The following DDX31 variants were observed in gnomAD, a reference collection of about 807,000 sequenced individuals.
DDX31 encodes DEAD-box helicase 31, also known as ATP-dependent DNA helicase DDX31.
Under a neutral mutation model 91.3 loss-of-function variants are expected in DDX31, and 70 were observed. That is an observed-to-expected ratio of 0.77 (90% CI 0.63 to 0.94). The LOEUF (loss-of-function observed/expected upper bound fraction) is 0.94. DDX31 is among the 40% of genes least tolerant of loss of function. The pLI is 0.00. For synonymous variants in DDX31, 362 were observed against 350.6 expected, an observed-to-expected ratio of 1.03 and a Z score of -0.36; for missense variants, 902 against 925.0, an observed-to-expected ratio of 0.98 and a Z score of 0.32.
Position 132,652,572 on chromosome 9 carries a change from G to A in DDX31, c.589-80C>T, listed in dbSNP as rs577367910. 9.0e-5 allele frequency: 140 copies of A among 1,553,944 alleles called. No individual in the cohort carries two copies. In the African/African-American group the frequency reaches 1.0e-3, roughly 11 times the overall value. ...AAACGGACAGGACACAGGGGTGGCC[G>A]GTTGTAGAACATCAGAAGCACTCTT... On this transcript the variant is annotated intron_variant, in intron 6 of 19. Transcript: ENST00000372159.
intron 1 of DDX31, among the ~76,000 whole-genome samples, chr9:132,666,505 AT>A (rs1397312537): frequency 1.3e-5 from 2 of 151,636 alleles, no homozygotes; most frequent in African/African-American, 4.9e-5. Context: ...ATAAATTTGT[AT>A]TAATATCAGA....
chr9:132,617,066 CT>C (rs748060538), intron 18 of DDX31, among the ~76,000 whole-genome samples: 18 of 152,350 alleles, frequency 1.2e-4, no homozygotes, highest in Non-Finnish European at 2.2e-4. Context: ...AGATCCCACA[CT>C]TCTGCTCCCC....
At chr9:132,612,351 GC>G (rs1564285433) in intron 18 of DDX31, 96 bp from the exon 19 acceptor site, 1 of 1,404,308 alleles carries the variant, frequency 7.1e-7, no homozygotes, top group Non-Finnish European at 1.0e-6. Context: ...ACTTTATCTT[GC>G]CAGGCAACGA....
At chr9:132,600,815 T>C (rs537395726) in intron 19 of DDX31, among the ~76,000 whole-genome samples, 1 of 152,282 alleles carries the variant, frequency 6.6e-6, no homozygotes, top group East Asian at 1.9e-4. Flanking sequence ...GAATCCCAGT[T>C]CTGCCACTCG....
rs550109762 is a variant in DDX31, at chr9:132,661,308, A to C, written c.409-57T>G. 2.9e-6 allele frequency: 4 copies of C among 1,364,998 alleles called. No individual in the cohort carries two copies. In the East Asian group the frequency reaches 9.1e-5, roughly 31 times the overall value. 84.6% of individuals were successfully genotyped at this position (1,364,998 alleles called of 1,614,324 possible). ...TATTTTGATACAAAATATTTAACGGAAATTACACAAGAAAGGAGAAACTAT... is the reference window on the plus strand; with the variant it reads ...TATTTTGATACAAAATATTTAACGGCAATTACACAAGAAAGGAGAAACTAT... On this transcript the variant is annotated intron_variant, in intron 3 of 19. Coordinates refer to ENST00000372159, the MANE Select transcript of DDX31 (RefSeq NM_022779.9).
intron 16 of DDX31, among the ~76,000 whole-genome samples, chr9:132,629,973 T>G (rs760668699): frequency 2.0e-5 from 3 of 152,258 alleles, no homozygotes; most frequent in Non-Finnish European, 4.4e-5. Flanking sequence ...TTTCAGAAGC[T>G]GCGAAGATGG....
At chr9:132,604,596 C>T (rs148781768) in intron 19 of DDX31, among the ~76,000 whole-genome samples, 2 of 152,064 alleles carry the variant, frequency 1.3e-5, no homozygotes, top group Non-Finnish European at 2.9e-5. Flanking sequence ...AGGGACTGTC[C>T]CTGGGTCAAG....
Position 132,632,027 on chromosome 9 carries a change from A to G in DDX31, c.1491+14T>C. ...TCCTGCCTAAAGCTTACACCTTAAC[A>G]ACTAAAAAATTACCTGAACAATCCA... On this transcript the variant is annotated intron_variant, in intron 15 of 19. Coordinates refer to ENST00000372159, the MANE Select transcript of DDX31 (RefSeq NM_022779.9). 6.2e-7 allele frequency: 1 copy of G among 1,611,938 alleles called. No homozygotes were observed. Among genetic ancestry groups the G allele is most frequent in the Non-Finnish European group, 8.5e-7 (1 of 1,178,692 alleles).
intron 1 of DDX31, among the ~76,000 whole-genome samples, chr9:132,664,009 T>C (rs149065138): frequency 1.3e-3 from 193 of 152,278 alleles, no homozygotes; most frequent in African/African-American, 4.4e-3. Context: ...ACTCCCGCCA[T>C]ACATGGACTT....
chr9:132,641,842 G>A (rs1164168764), intron 14 of DDX31, among the ~76,000 whole-genome samples, 162 bp downstream of exon 14: 1 of 152,164 alleles, frequency 6.6e-6, no homozygotes, highest in Non-Finnish European at 1.5e-5. Context: ...AGCCCTGTCA[G>A]GTAACAAGAA....
At chr9:132,598,909 C>A (rs943368946) in intron 19 of DDX31, among the ~76,000 whole-genome samples, 19 of 152,174 alleles carry the variant, frequency 1.2e-4, no homozygotes, top group Non-Finnish European at 2.2e-4. Flanking sequence ...TGAACTGTTT[C>A]TTCCTAAGAG....
chr9:132,627,431 T>C (rs1832464373), intron 16 of DDX31, among the ~76,000 whole-genome samples: 1 of 152,168 alleles, frequency 6.6e-6, no homozygotes, highest in Non-Finnish European at 1.5e-5. Flanking sequence ...AAAGCAAATC[T>C]ACTATGATTA....
At chr9:132,602,655 A>G (rs1830782983) in intron 19 of DDX31, among the ~76,000 whole-genome samples, 1 of 152,204 alleles carries the variant, frequency 6.6e-6, no homozygotes, top group South Asian at 2.1e-4. Flanking sequence ...TGTTCCAATG[A>G]TTTCCCCAAA....
intron 14 of DDX31, among the ~76,000 whole-genome samples, chr9:132,641,610 G>A (rs1181200916): frequency 6.6e-6 from 1 of 152,164 alleles, no homozygotes; most frequent in Admixed American, 6.5e-5. Context: ...AAATAAAATC[G>A]GCCCAAATGC....
At position 132,648,466 on chromosome 9, in the gene DDX31, G is replaced by A. The variant is rs754253878; in HGVS notation, c.826C>T (p.Arg276Trp). The A allele has an allele frequency of 1.7e-5, 28 of 1,613,930 alleles. No individual in the cohort carries two copies. In the African/African-American group the frequency reaches 2.9e-4, roughly 17 times the overall value. Reference protein sequence around the residue: ...IKSTKNIHFSRLRWLVFDEAD... With the variant: ...IKSTKNIHFSWLRWLVFDEAD... The stretch of plus-strand genomic sequence containing the variant: ...TCATCAAACACCAACCACCGCAGCC[G>A]ACTAAAATGAATGTTCTTTGTGGAT... The change falls in exon 10 of 20, where the codon CGG (arginine) becomes TGG (tryptophan). Residue 276 changes from arginine to tryptophan, a missense_variant. By Grantham distance (101) the Arg-to-Trp change is moderately radical (BLOSUM62 -3). Transcript: ENST00000372159.
intron 18 of DDX31, among the ~76,000 whole-genome samples, chr9:132,616,714 A>AG (rs1831652947): frequency 6.6e-6 from 1 of 150,604 alleles, no homozygotes; most frequent in Admixed American, 6.6e-5. Context: ...CTCTAGAGGT[A>AG]GCAAGGTAGG....
In DDX31 at chr9:132,610,665, G is replaced by A. The variant is rs527836045; in HGVS notation, c.1994+1422C>T. Reference sequence around the variant, plus strand: ...TTTTTTTCTGTAGAGACAGGGTCTCGCTATGTTGCCCAGGCTAGTCTCTAA... The same window carrying A: ...TTTTTTTCTGTAGAGACAGGGTCTCACTATGTTGCCCAGGCTAGTCTCTAA... On this transcript the variant is annotated intron_variant, in intron 19 of 19. Coordinates refer to ENST00000372159, the MANE Select transcript of DDX31 (RefSeq NM_022779.9). Among the ~76,000 whole-genome samples the A allele has an allele frequency of 2.6e-5, 4 of 151,512 alleles. No individual in the cohort carries two copies. In the East Asian group the frequency reaches 5.8e-4, roughly 22 times the overall value.
intron 19 of DDX31, among the ~76,000 whole-genome samples, chr9:132,597,700 C>A (rs1315054489): frequency 6.6e-6 from 1 of 152,138 alleles, no homozygotes; most frequent in Non-Finnish European, 1.5e-5. Flanking sequence ...TGCTCCCAGG[C>A]TGCCATCCAC....
At chr9:132,647,242 A>G (rs562882135) in intron 11 of DDX31, among the ~76,000 whole-genome samples, 184 bp from the exon 12 acceptor site, 33 of 152,188 alleles carry the variant, frequency 2.2e-4, no homozygotes, top group African/African-American at 7.7e-4. Context: ...GAGATCTACC[A>G]ACGTATCTTT....
Sources: gnomAD v4.1 joint callset for allele counts (sites outside exome capture counted in the v4.1 genomes callset) on GRCh38, gnomAD v4.1.1 for gene constraint, MANE v1.5 for transcripts, NCBI Gene and HGNC (gene_info 2026-07-23, HGNC 2026-07-21) for gene names.